FAM184A: variants seen among roughly 807,000 people sequenced by gnomAD.
FAM184A encodes family with sequence similarity 184 member A, also known as protein FAM184A.
A neutral mutation model predicts 143.8 loss-of-function variants in FAM184A; 99 were observed. The observed-to-expected ratio is 0.69, with a 90% CI of 0.58 to 0.81. The LOEUF (loss-of-function observed/expected upper bound fraction) is 0.81. Ranked by LOEUF, FAM184A falls within the 40% of genes least tolerant of loss-of-function variation. The pLI, the probability that FAM184A is intolerant of heterozygous loss-of-function variation, is 0.00. For synonymous variants in FAM184A, 427 were observed against 446.4 expected (o/e 0.96, Z 0.55); for missense variants, 1,217 against 1,310.5 (o/e 0.93, Z 1.10).
intron 1 of FAM184A, among the ~76,000 whole-genome samples, chr6:119,113,882 C>T (rs1788994755): frequency 6.6e-6 from 1 of 151,996 alleles, no homozygotes; most frequent in Non-Finnish European, 1.5e-5. Flanking sequence ...GCAGAGGTTG[C>T]GGTGAGCCGA....
chr6:119,104,341 C>G (rs139881448), intron 1 of FAM184A, among the ~76,000 whole-genome samples: 2 of 152,174 alleles, frequency 1.3e-5, no homozygotes, highest in Non-Finnish European at 2.9e-5. Flanking sequence ...GAAAATATTC[C>G]AAATGCCACC....
intron 1 of FAM184A, among the ~76,000 whole-genome samples, chr6:119,120,684 T>A (rs7746433): frequency 0.033 from 4,974 of 152,266 alleles, 126 homozygotes; most frequent in African/African-American, 0.065. Context: ...TCTTATTAAA[T>A]ACAGCCATCC....
rs1242296300 is a variant in FAM184A at position 118,970,006 on chromosome 6, A to ATTTTTTTTTT, written c.2916-3055_2916-3054insAAAAAAAAAA. Among the ~76,000 whole-genome samples, 4 of 20,490 alleles carry ATTTTTTTTTT rather than the reference A, an allele frequency of 2.0e-4. 1 individual carries two copies. Among genetic ancestry groups the ATTTTTTTTTT allele is most frequent in the Non-Finnish European group, 3.9e-4 (4 of 10,296 alleles). 13.4% of individuals were successfully genotyped at this position (20,490 alleles called of 152,430 possible). On this transcript the variant is annotated intron_variant, in intron 14 of 17. Coordinates refer to ENST00000338891, the MANE Select transcript of FAM184A (RefSeq NM_024581.6). ...GTATATATATATAATATATATATAT[A>ATTTTTTTTTT]TATTTTTTTTTTTTTGAGATGGAGT...
chr6:119,036,018 C>T (rs1419059938), intron 1 of FAM184A, among the ~76,000 whole-genome samples: 1 of 152,144 alleles, frequency 6.6e-6, no homozygotes, highest in Non-Finnish European at 1.5e-5. Flanking sequence ...CAGAGTTTGA[C>T]TCTTTTCGTT....
At chr6:119,132,226 A>G (rs1034006917) in intron 1 of FAM184A, among the ~76,000 whole-genome samples, 1 of 152,232 alleles carries the variant, frequency 6.6e-6, no homozygotes, top group African/African-American at 2.4e-5. Flanking sequence ...CTCTCATAAT[A>G]ATCAATTTAC....
At chr6:119,053,211 C>A (rs750537600) in intron 1 of FAM184A, among the ~76,000 whole-genome samples, 5 of 152,128 alleles carry the variant, frequency 3.3e-5, no homozygotes, top group South Asian at 2.1e-4. Context: ...TGCCCTCTCT[C>A]AGTTGTTGAG....
At chr6:119,102,361 A>T (rs1788659593) in intron 1 of FAM184A, among the ~76,000 whole-genome samples, 1 of 152,216 alleles carries the variant, frequency 6.6e-6, no homozygotes, top group South Asian at 2.1e-4. Flanking sequence ...ATAAGGCATG[A>T]GAAGGAGGCC....
chr6:119,023,382 G>A (rs997518075), intron 2 of FAM184A, among the ~76,000 whole-genome samples: 1 of 151,720 alleles, frequency 6.6e-6, no homozygotes, highest in African/African-American at 2.4e-5. Flanking sequence ...TTTTCCCCCA[G>A]ACTTGTGCAA....
chr6:119,017,264 C>T (rs1272895004), intron 4 of FAM184A, among the ~76,000 whole-genome samples: 4 of 152,070 alleles, frequency 2.6e-5, no homozygotes, highest in Non-Finnish European at 4.4e-5. Context: ...TTTGGGAGGC[C>T]GAGGCGGGTG....
At chr6:119,101,572 C>T (rs1788638446) in intron 1 of FAM184A, among the ~76,000 whole-genome samples, 1 of 152,202 alleles carries the variant, frequency 6.6e-6, no homozygotes, top group Admixed American at 6.5e-5. Context: ...ACCATACCCA[C>T]ATTTGTCTTC....
At chr6:119,070,168 T>A (rs1562137548) in intron 1 of FAM184A, among the ~76,000 whole-genome samples, 1 of 152,134 alleles carries the variant, frequency 6.6e-6, no homozygotes, top group African/African-American at 2.4e-5. Flanking sequence ...CATCTCAAGA[T>A]AATAGTGTAA....
Position 118,964,724 on chromosome 6 carries a change from G to A in FAM184A, c.3081C>T (p.Asn1027=), listed in dbSNP as rs572964519. The change falls in exon 16 of 18, where the codon AAC becomes AAT. Residue 1027 remains asparagine (N), a synonymous_variant. Coordinates refer to ENST00000338891, the MANE Select transcript of FAM184A (RefSeq NM_024581.6). ...YQLELVNRET[N]FNKVFNSSPT... is the part of the protein sequence containing the mutation. ...GACTTGAGTTAAACACTTTGTTGAA[G>A]TTAGTTTCTCGATTGACTAATTCCA... is the stretch of plus-strand genomic sequence containing the variant. 6.2e-7 allele frequency: 1 copy of A among 1,609,682 alleles called. No individual in the cohort carries two copies. The highest frequency in any genetic ancestry group is 1.1e-5 in the South Asian group (1 of 90,736).
chr6:119,060,489 T>C (rs1787188870), intron 1 of FAM184A, among the ~76,000 whole-genome samples: 1 of 152,192 alleles, frequency 6.6e-6, no homozygotes, highest in Non-Finnish European at 1.5e-5. Flanking sequence ...ATGAAGAGGC[T>C]AAAACACTAA....
intron 1 of FAM184A, among the ~76,000 whole-genome samples, chr6:119,144,465 T>A (rs1772355908): frequency 6.6e-6 from 1 of 152,236 alleles, no homozygotes; most frequent in Non-Finnish European, 1.5e-5. Context: ...TGACAGGTGC[T>A]GGCTTTGCCC....
chr6:119,064,311 C>A (rs1363688686), intron 1 of FAM184A, among the ~76,000 whole-genome samples: 1 of 152,202 alleles, frequency 6.6e-6, no homozygotes, highest in Non-Finnish European at 1.5e-5. Context: ...AGGCAAAACT[C>A]AGGCTCTGGA....
chr6:119,081,352 G>A (rs1788060392), upstream of FAM184A, among the ~76,000 whole-genome samples: 1 of 152,212 alleles, frequency 6.6e-6, no homozygotes, highest in Non-Finnish European at 1.5e-5. Flanking sequence ...TGCAATGGGA[G>A]TGTGACTCAC....
At chr6:119,108,430 C>T (rs1190044011) in intron 1 of FAM184A, among the ~76,000 whole-genome samples, 1 of 152,136 alleles carries the variant, frequency 6.6e-6, no homozygotes, top group African/African-American at 2.4e-5. Flanking sequence ...CTTTAGTTTG[C>T]TTCCTCCAAG....
Position 118,976,061 on chromosome 6 carries a change from A to G in FAM184A, c.2456-17T>C, listed in dbSNP as rs756352859. On this transcript the variant is annotated splice_polypyrimidine_tract_variant and intron_variant, in intron 11 of 17. Coordinates refer to ENST00000338891, the MANE Select transcript of FAM184A (RefSeq NM_024581.6). ...GCAAGGAAGCTGGAATTGCAAGGCAAAAATACATTTGGCACATTTAAAAAA... is the reference window on the plus strand; with the variant it reads ...GCAAGGAAGCTGGAATTGCAAGGCAGAAATACATTTGGCACATTTAAAAAA... 11 of 1,606,334 alleles carry G rather than the reference A, an allele frequency of 6.8e-6. No homozygotes were observed. The highest frequency in any genetic ancestry group is 8.5e-6 in the Non-Finnish European group (10 of 1,178,162).
chr6:119,095,352 C>T (rs1788478261), intron 1 of FAM184A, among the ~76,000 whole-genome samples: 1 of 152,038 alleles, frequency 6.6e-6, no homozygotes, highest in South Asian at 2.1e-4. Context: ...TGGTGAGTTC[C>T]TGTTAGGTGT....
Sources: gnomAD v4.1 joint callset for allele counts (sites outside exome capture counted in the v4.1 genomes callset) on GRCh38, gnomAD v4.1.1 for gene constraint, MANE v1.5 for transcripts, NCBI Gene and HGNC (gene_info 2026-07-23, HGNC 2026-07-21) for gene names.